Variants in CHRM4 observed in about 807,000 individuals in gnomAD.
CHRM4 encodes cholinergic receptor muscarinic 4.
A neutral mutation model predicts 26.3 loss-of-function variants in CHRM4; 5 were observed. That is an observed-to-expected ratio of 0.19 (90% CI 0.10 to 0.40). The LOEUF (loss-of-function observed/expected upper bound fraction) is 0.40. Ranked by LOEUF, CHRM4 falls within the 10% of genes least tolerant of loss-of-function variation. The pLI, the probability that CHRM4 is intolerant of heterozygous loss-of-function variation, is 1.00. For missense variants in CHRM4, 402 were observed against 664.5 expected (o/e 0.60, Z 4.34); for synonymous variants, 290 against 285.3 (o/e 1.02, Z -0.16).
chr11:46,387,934 C>A lies in CHRM4; in HGVS notation c.-29-1348G>T, dbSNP rs369740541. On this transcript the variant is annotated intron_variant, in intron 1 of 1. Transcript: ENST00000682254. ...AGAAGGGCTGCCAGGGCCGCCTCTC[C>A]CCTCCACAGTCCACTCCGCACACCG... Among the ~76,000 whole-genome samples, 13 of 152,326 alleles carry A rather than the reference C, an allele frequency of 8.5e-5. No homozygotes were observed. In the South Asian group the frequency reaches 1.7e-3, roughly 19 times the overall value.
intron 1 of CHRM4, among the ~76,000 whole-genome samples, chr11:46,388,458 G>A (rs1348600835): frequency 6.6e-6 from 1 of 152,242 alleles, no homozygotes; most frequent in Non-Finnish European, 1.5e-5. Flanking sequence ...CTGGGGCCAA[G>A]GGCCAGGGTA....
Position 46,385,872 on chromosome 11 carries a change from T to C in CHRM4, c.686A>G (p.His229Arg), listed in dbSNP as rs766929725. The C allele has an allele frequency of 1.9e-6, 3 of 1,609,624 alleles. No homozygotes were observed. The highest frequency in any genetic ancestry group is 1.3e-5 in the African/African-American group (1 of 74,838). ...SLASRSRVHK[H>R]RPEGPKEKKA... ...CTTCTCCTTCGGGCCCTCGGGCCGG[T>C]GCTTGTGGACTCGGCTGCGACTGGC... Residue 229 changes from histidine (H) to arginine (R), a missense_variant, in exon 2 of 2, where the codon CAC becomes CGC. This residue lies in a region of CHRM4 where 205 missense variants were observed against 244.0 expected (regional missense o/e 0.84). Coordinates refer to ENST00000682254, the MANE Select transcript of CHRM4 (RefSeq NM_000741.5). The surrounding 1 kb of genome is among the most constrained non-coding windows in gnomAD (Gnocchi z 6.3).
At position 46,383,825 on chromosome 11, in the gene CHRM4, A is replaced by G. The variant is rs1480618194; in HGVS notation, c.*1293T>C. ...AATAAAAGCTCTTCTTTTTTAATAT[A>G]TAAAAGCCCCTTCCCAAGGAGTTTG... On this transcript the variant is annotated 3_prime_UTR_variant, in exon 2 of 2. Coordinates refer to ENST00000682254, the MANE Select transcript of CHRM4 (RefSeq NM_000741.5). 2 of 407,660 alleles carry G rather than the reference A, an allele frequency of 4.9e-6. No individual in the cohort carries two copies. The highest frequency in any genetic ancestry group is 9.4e-6 in the Non-Finnish European group (2 of 213,192). 25.3% of individuals were successfully genotyped at this position (407,660 alleles called of 1,614,324 possible).
At position 46,384,561 on chromosome 11, in the gene CHRM4, G is replaced by A. The variant is rs1565103393; in HGVS notation, c.*557C>T. 1.3e-5 allele frequency among the ~76,000 whole-genome samples: 2 copies of A among 152,194 alleles called. No homozygotes were observed. The highest frequency in any genetic ancestry group is 2.9e-5 in the Non-Finnish European group (2 of 68,038). On this transcript the variant is annotated 3_prime_UTR_variant, in exon 2 of 2. Transcript: ENST00000682254. ...GTGCTGCTGGGGCGGGGGGGACCTG[G>A]CCTCCATCATACCCACCCAGAACCT...
At chr11:46,389,053 G>A (rs1329007082) in intron 1 of CHRM4, among the ~76,000 whole-genome samples, 2 of 152,196 alleles carry the variant, frequency 1.3e-5, no homozygotes, top group Non-Finnish European at 2.9e-5. Context: ...TCTTATAGAT[G>A]AGGATAATGT....
Position 46,385,721 on chromosome 11 carries a change from C to T in CHRM4, c.837G>A (p.Ala279=), listed in dbSNP as rs369141164. Residue 279 remains alanine, a synonymous_variant, in exon 2 of 2, where the codon GCG becomes GCA. Coordinates refer to ENST00000682254, the MANE Select transcript of CHRM4 (RefSeq NM_000741.5). The surrounding 1 kb of genome is among the most constrained non-coding windows in gnomAD (Gnocchi z 6.3). ...CCACGGGGCGCGGTGGCGGTGGCAG[C>T]GCTGGCGGGGGGGCCTCCTCCAGCT... The part of the protein sequence containing the change: ...NGKLEEAPPP[A]LPPPPRPVAD... 10 of 1,571,016 alleles carry T rather than the reference C, an allele frequency of 6.4e-6. No homozygotes were observed. In the African/African-American group the frequency reaches 8.2e-5, roughly 13 times the overall value.
chr11:46,386,411 G>T lies in CHRM4; in HGVS notation c.147C>A (p.Gly49=), dbSNP rs1945341576. 6.2e-7 allele frequency: 1 copy of T among 1,613,848 alleles called. No homozygotes were observed. Among genetic ancestry groups the T allele is most frequent in the Non-Finnish European group, 8.5e-7 (1 of 1,179,916 alleles). Residue 49 remains glycine (G), a synonymous_variant, in exon 2 of 2, where the codon GGC becomes GGA. Coordinates refer to ENST00000682254, the MANE Select transcript of CHRM4 (RefSeq NM_000741.5). This position sits in a 1 kb window ranked among gnomAD's most constrained non-coding sequence, Gnocchi z 5.8. Reference sequence around the variant, plus strand: ...TGATGGACAGCATCACCAGGATGTTGCCCACGACAGTCACCAGGCTCAGGG... The same window carrying T: ...TGATGGACAGCATCACCAGGATGTTTCCCACGACAGTCACCAGGCTCAGGG... The part of the protein sequence containing the change: ...TGSLSLVTVV[G]NILVMLSIKV...
rs1431792350 is a variant in CHRM4 at position 46,384,238 on chromosome 11, AC to A, written c.*879del. ...CTCCCCCCTTCCCACTGTCATGGAA[AC>A]CCGAGTGAGCCACCAGGTTGACCCC... On this transcript the variant is annotated 3_prime_UTR_variant, in exon 2 of 2. Coordinates refer to ENST00000682254, the MANE Select transcript of CHRM4 (RefSeq NM_000741.5). Among the ~76,000 whole-genome samples, 1 of 152,180 alleles carries A rather than the reference AC, an allele frequency of 6.6e-6. No homozygotes were observed. Among genetic ancestry groups the A allele is most frequent in the Non-Finnish European group, 1.5e-5 (1 of 68,024 alleles).
rs1267571313 is a variant in CHRM4 at position 46,386,288 on chromosome 11, G to A, written c.270C>T (p.Thr90=). 22 of 1,613,898 alleles carry A rather than the reference G, an allele frequency of 1.4e-5. No homozygotes were observed. The highest frequency in any genetic ancestry group is 2.2e-5 in the South Asian group (2 of 91,082). Reference sequence around the variant, plus strand: ...GCCAGTAGCCCTTGATGATGTACACGGTGTAGAGGTTCATGGAGAAGGCGC... The same window carrying A: ...GCCAGTAGCCCTTGATGATGTACACAGTGTAGAGGTTCATGGAGAAGGCGC... ...IIGAFSMNLY[T]VYIIKGYWPL... Residue 90 remains threonine, a synonymous_variant, in exon 2 of 2, where the codon ACC becomes ACT. Transcript: ENST00000682254. The surrounding 1 kb of genome is among the most constrained non-coding windows in gnomAD (Gnocchi z 5.8).
chr11:46,384,523 T>C lies in CHRM4; in HGVS notation c.*595A>G, dbSNP rs1469179458. ...TGACCTCCCAGCTGCCCCATCTTAA[T>C]GTGACAAGGGCAGTGCTGCTGGGGC... is the stretch of plus-strand genomic sequence containing the variant. On this transcript the variant is annotated 3_prime_UTR_variant, in exon 2 of 2. Transcript: ENST00000682254. Among the ~76,000 whole-genome samples, 1 of 152,188 alleles carries C rather than the reference T, an allele frequency of 6.6e-6. No homozygotes were observed. Among genetic ancestry groups the C allele is most frequent in the Non-Finnish European group, 1.5e-5 (1 of 68,024 alleles).
rs1314405077 is a variant in CHRM4, at chr11:46,391,097, G to C, written c.-30+434C>G. On this transcript the variant is annotated intron_variant, in intron 1 of 1. Transcript: ENST00000682254. The surrounding 1 kb of genome is among the most constrained non-coding windows in gnomAD (Gnocchi z 6.3). The stretch of plus-strand genomic sequence containing the variant: ...AGGGGGGTAGTACCGGAGCGGGGGA[G>C]GGGTGTCGGGGAGGGCAGGGGTGTT... Among the ~76,000 whole-genome samples the C allele has an allele frequency of 1.3e-5, 2 of 152,042 alleles. No individual in the cohort carries two copies. Among genetic ancestry groups the C allele is most frequent in the Non-Finnish European group, 2.9e-5 (2 of 67,954 alleles).
Position 46,385,694 on chromosome 11 carries a change from A to G in CHRM4, c.864T>C (p.Ala288=). Residue 288 remains alanine, a synonymous_variant, in exon 2 of 2, where the codon GCT becomes GCC. Coordinates refer to ENST00000682254, the MANE Select transcript of CHRM4 (RefSeq NM_000741.5). The surrounding 1 kb of genome is among the most constrained non-coding windows in gnomAD (Gnocchi z 6.3). ...TGGACTCATTGGAAGTGTCCTTATC[A>G]GCCACGGGGCGCGGTGGCGGTGGCA... The part of the protein sequence containing the change: ...PALPPPPRPV[A]DKDTSNESSS... 6.4e-7 allele frequency: 1 copy of G among 1,550,846 alleles called. No homozygotes were observed. The highest frequency in any genetic ancestry group is 8.7e-7 in the Non-Finnish European group (1 of 1,151,244).
At chr11:46,387,701 G>A (rs1315291410) in intron 1 of CHRM4, among the ~76,000 whole-genome samples, 1 of 152,214 alleles carries the variant, frequency 6.6e-6, no homozygotes, top group Non-Finnish European at 1.5e-5. Flanking sequence ...GGCGGTGCAT[G>A]GAGCTGGGCA....
At chr11:46,390,042 G>A (rs920518694) in intron 1 of CHRM4, among the ~76,000 whole-genome samples, 1 of 152,214 alleles carries the variant, frequency 6.6e-6, no homozygotes, top group Non-Finnish European at 1.5e-5. Flanking sequence ...CGGTTCGGGT[G>A]CCTCTACACC....
At chr11:46,388,571 C>T (rs963680601) in intron 1 of CHRM4, among the ~76,000 whole-genome samples, 3 of 152,218 alleles carry the variant, frequency 2.0e-5, no homozygotes, top group East Asian at 1.9e-4. Flanking sequence ...ATCCTTGGTT[C>T]GTAGGAGGAG....
At position 46,385,447 on chromosome 11, in the gene CHRM4, C is replaced by T; in HGVS notation, c.1111G>A (p.Ala371Thr). The part of the protein sequence containing the change: ...PATPAGMRPA[A>T]NVARKFASIA... ...CTGGCGAACTTGCGGGCCACGTTGG[C>T]CGCAGGGCGCATGCCAGCCGGCGTG... The change falls in exon 2 of 2, where the codon GCC (alanine) becomes ACC (threonine). Residue 371 changes from alanine (A) to threonine (T), a missense_variant. Around this residue, in one of 5 missense-constraint regions of CHRM4, gnomAD observed 205 missense variants for 244.0 expected, o/e 0.84. Transcript: ENST00000682254. The surrounding 1 kb of genome is among the most constrained non-coding windows in gnomAD (Gnocchi z 6.3). 2 of 1,606,568 alleles carry T rather than the reference C, an allele frequency of 1.2e-6. No homozygotes were observed. The highest frequency in any genetic ancestry group is 1.7e-6 in the Non-Finnish European group (2 of 1,174,066).
chr11:46,388,908 G>A (rs988686539), intron 1 of CHRM4, among the ~76,000 whole-genome samples: 1 of 152,220 alleles, frequency 6.6e-6, no homozygotes, highest in Non-Finnish European at 1.5e-5. Context: ...AAACATAATA[G>A]CTCTTGTTTA....
chr11:46,386,755 C>CT lies in CHRM4; in HGVS notation c.-29-170dup. 1.5e-6 allele frequency: 1 copy of CT among 670,924 alleles called. No individual in the cohort carries two copies. Among genetic ancestry groups the CT allele is most frequent in the Non-Finnish European group, 2.5e-6 (1 of 401,240 alleles). The allele number at this position is 670,924 out of a possible 1,614,324, so 41.6% of individuals were successfully genotyped here. On this transcript the variant is annotated intron_variant, in intron 1 of 1. Coordinates refer to ENST00000682254, the MANE Select transcript of CHRM4 (RefSeq NM_000741.5). This position sits in a 1 kb window ranked among gnomAD's most constrained non-coding sequence, Gnocchi z 5.8. ...CATTCATTCAACATTAATTGAGCAC[C>CT]TACTATGTGGCAAGCATTGCTCAGG...
rs777694458 is a variant in CHRM4 at position 46,385,832 on chromosome 11, C to T, written c.726G>A (p.Leu242=). The T allele has an allele frequency of 1.2e-6, 2 of 1,602,254 alleles. No individual in the cohort carries two copies. The highest frequency in any genetic ancestry group is 1.7e-6 in the Non-Finnish European group (2 of 1,174,628). Residue 242 remains leucine, a synonymous_variant, in exon 2 of 2, where the codon CTG becomes CTA. Transcript: ENST00000682254. This position sits in a 1 kb window ranked among gnomAD's most constrained non-coding sequence, Gnocchi z 6.3. ...TCATTAGTGGGCTCTTGAGGAAGGC[C>T]AGCGTCTTGGCTTTCTTCTCCTTCG... ...EGPKEKKAKT[L]AFLKSPLMKQ...
Sources: allele counts gnomAD v4.1 joint callset (sites outside exome capture counted in the v4.1 genomes callset), GRCh38; gene constraint gnomAD v4.1.1; regional missense constraint gnomAD v4.1.1; non-coding constraint Gnocchi (gnomAD v3.1); transcripts MANE v1.5; gene names NCBI Gene and HGNC (gene_info 2026-07-23, HGNC 2026-07-21).